CRIM1: variants seen among roughly 807,000 people sequenced by gnomAD.
CRIM1 encodes cysteine rich transmembrane BMP regulator 1, also known as cysteine-rich motor neuron 1 protein.
Under a neutral mutation model 116.4 loss-of-function variants are expected in CRIM1, and 32 were observed. The ratio of observed to expected loss-of-function variants is 0.27; its 90% CI spans 0.21 to 0.37. The LOEUF (loss-of-function observed/expected upper bound fraction) is 0.37. Ranked by LOEUF, CRIM1 falls within the 10% of genes least tolerant of loss-of-function variation. The pLI, the probability that CRIM1 is intolerant of heterozygous loss-of-function variation, is 1.00. For missense variants in CRIM1, 1,331 were observed against 1,354.8 expected, an observed-to-expected ratio of 0.98 and a Z score of 0.28; for synonymous variants, 590 against 509.2, an observed-to-expected ratio of 1.16 and a Z score of -2.13.
At chr2:36,395,091 G>A (rs968606049) in intron 1 of CRIM1, among the ~76,000 whole-genome samples, 5 of 146,998 alleles carry the variant, frequency 3.4e-5, no homozygotes, top group Non-Finnish European at 5.9e-5. Context: ...CTTGGCTGAC[G>A]ACAACCTCTG....
chr2:36,532,962 T>A (rs1019041010), intron 13 of CRIM1, among the ~76,000 whole-genome samples: 12 of 152,334 alleles, frequency 7.9e-5, no homozygotes, highest in African/African-American at 2.9e-4. Flanking sequence ...CCAGTTGGAA[T>A]AATAAACGTA....
chr2:36,440,807 T>C (rs1675761167), intron 2 of CRIM1, among the ~76,000 whole-genome samples: 1 of 152,232 alleles, frequency 6.6e-6, no homozygotes, highest in South Asian at 2.1e-4. Context: ...ATGTTGATTG[T>C]CGTACACATT....
rs138054600 is a variant in CRIM1 at position 36,380,301 on chromosome 2, C to G, written c.332-16313C>G. 3.1e-3 allele frequency among the ~76,000 whole-genome samples: 479 copies of G among 152,246 alleles called. 1 individual carries two copies. The highest frequency in any genetic ancestry group is 0.011 in the African/African-American group (446 of 41,548). ...TTTGCCGGCTTCCCTTTTTTGAGTT[C>G]CAGTGGAGTGGTACTCTTGTGTCAG... On this transcript the variant is annotated intron_variant, in intron 1 of 16. Coordinates refer to ENST00000280527, the MANE Select transcript of CRIM1 (RefSeq NM_016441.3).
chr2:36,467,061 G>A (rs1000523068), intron 5 of CRIM1, among the ~76,000 whole-genome samples: 2 of 152,146 alleles, frequency 1.3e-5, no homozygotes, highest in Non-Finnish European at 2.9e-5. Context: ...AGTCTGCAGG[G>A]CCTGTCCTCA....
intron 2 of CRIM1, among the ~76,000 whole-genome samples, chr2:36,422,040 T>C (rs976027432): frequency 1.3e-5 from 2 of 151,856 alleles, no homozygotes; most frequent in African/African-American, 4.8e-5. Flanking sequence ...GATTTTATTG[T>C]ATATCTCATG....
chr2:36,421,422 C>A (rs1423423865), intron 2 of CRIM1, among the ~76,000 whole-genome samples: 13 of 152,084 alleles, frequency 8.5e-5, no homozygotes, highest in Admixed American at 8.5e-4. Flanking sequence ...TTTTCAAAAA[C>A]CATTTTTATT....
intron 13 of CRIM1, chr2:36,532,092 A>G (rs1480053256): frequency 1.7e-5 from 7 of 421,108 alleles, no homozygotes; most frequent in South Asian, 5.3e-5. Flanking sequence ...GAGAAAAATA[A>G]GTAGCGAAGC....
At chr2:36,394,757 A>C (rs905608817) in intron 1 of CRIM1, among the ~76,000 whole-genome samples, 2 of 152,102 alleles carry the variant, frequency 1.3e-5, no homozygotes, top group African/African-American at 4.8e-5. Context: ...CATTTTACTA[A>C]AAGCTGAGGC....
At chr2:36,360,633 T>A (rs545921523) in intron 1 of CRIM1, among the ~76,000 whole-genome samples, 1 of 152,230 alleles carries the variant, frequency 6.6e-6, no homozygotes, top group South Asian at 2.1e-4. Flanking sequence ...TGGAAGACAG[T>A]CAGTGAAGAT....
At chr2:36,458,572 T>C (rs1464658268) in intron 4 of CRIM1, among the ~76,000 whole-genome samples, 1 of 152,100 alleles carries the variant, frequency 6.6e-6, no homozygotes, top group African/African-American at 2.4e-5. Context: ...AAAAAAGTTA[T>C]ATAATTATTA....
intron 1 of CRIM1, among the ~76,000 whole-genome samples, chr2:36,372,535 TAG>T (rs774420588): frequency 2.6e-5 from 4 of 152,182 alleles, no homozygotes; most frequent in Non-Finnish European, 5.9e-5. Context: ...CTGCTAAAGA[TAG>T]AGAGTTTTGG....
chr2:36,482,657 A>T (rs1164069582), intron 7 of CRIM1, among the ~76,000 whole-genome samples: 1 of 152,224 alleles, frequency 6.6e-6, no homozygotes, highest in Non-Finnish European at 1.5e-5. Flanking sequence ...AAACACTGGT[A>T]TTTACTTAGT....
chr2:36,457,881 T>C (rs1186612582), intron 4 of CRIM1, among the ~76,000 whole-genome samples: 3 of 152,198 alleles, frequency 2.0e-5, no homozygotes, highest in Non-Finnish European at 4.4e-5. Flanking sequence ...TTATATGTCA[T>C]TATAATTTCC....
In CRIM1 at chr2:36,464,647, G is replaced by A. The variant is rs1282328552; in HGVS notation, c.983G>A (p.Cys328Tyr). ...TPGKCCDVFE[C>Y]VNDTKPACVF... ...GGAAAGTGCTGTGATGTCTTTGAAT[G>A]TGTTAATGGTACGTGGGGTTTCTCT... is the stretch of plus-strand genomic sequence containing the variant. Residue 328 changes from cysteine (C) to tyrosine (Y), a missense_variant, in exon 5 of 17, where the codon TGT (cysteine) becomes TAT (tyrosine). Cys to Tyr is a radical substitution (Grantham distance 194). This residue lies in a region of CRIM1 where 690 missense variants were observed against 676.0 expected (regional missense o/e 1.02). Coordinates refer to ENST00000280527, the MANE Select transcript of CRIM1 (RefSeq NM_016441.3). The A allele has an allele frequency of 6.2e-7, 1 of 1,614,048 alleles. No individual in the cohort carries two copies.
At chr2:36,471,064 A>G (rs1008430510) in intron 5 of CRIM1, among the ~76,000 whole-genome samples, 1 of 152,218 alleles carries the variant, frequency 6.6e-6, no homozygotes, top group Non-Finnish European at 1.5e-5. Context: ...TAAATGTGGA[A>G]CCTGCAGAAT....
rs549862125 is a variant in CRIM1 at position 36,474,798 on chromosome 2, A to G, written c.992-2091A>G. Among the ~76,000 whole-genome samples the G allele has an allele frequency of 2.8e-5, 4 of 143,876 alleles. No individual in the cohort carries two copies. In the Admixed American group the frequency reaches 3.1e-4, roughly 11 times the overall value. 94.4% of individuals were successfully genotyped at this position (143,876 alleles called of 152,430 possible). A position where few individuals can be genotyped will look rare whatever the true frequency, so the allele number is the denominator to read the frequency against. ...AGGAGGTAAAGGTTGCAGTGAGCTC[A>G]GATGACGCCACTCCACTCCAGCCTG... On this transcript the variant is annotated intron_variant, in intron 5 of 16. Coordinates refer to ENST00000280527, the MANE Select transcript of CRIM1 (RefSeq NM_016441.3).
intron 2 of CRIM1, among the ~76,000 whole-genome samples, chr2:36,408,657 C>G (rs1237340271): frequency 6.6e-6 from 1 of 152,152 alleles, no homozygotes; most frequent in East Asian, 1.9e-4. Context: ...CTCCATCAAC[C>G]AGAGGGTTTG....
At chr2:36,399,311 C>T (rs13394052) in intron 2 of CRIM1, among the ~76,000 whole-genome samples, 111,387 of 152,160 alleles carry the variant, frequency 0.73, 41,832 homozygotes, top group East Asian at 0.99. Context: ...GGAATGCAAA[C>T]TGGATTAGCA....
chr2:36,400,379 G>A (rs1187879129), intron 2 of CRIM1, among the ~76,000 whole-genome samples: 3 of 152,146 alleles, frequency 2.0e-5, no homozygotes, highest in Non-Finnish European at 4.4e-5. Context: ...GGTCAGATAG[G>A]TGAGTCAGGA....
Sources: allele counts gnomAD v4.1 joint callset (sites outside exome capture counted in the v4.1 genomes callset), GRCh38; gene constraint gnomAD v4.1.1; regional missense constraint gnomAD v4.1.1; transcripts MANE v1.5; gene names NCBI Gene and HGNC (gene_info 2026-07-23, HGNC 2026-07-21).